The following LEKR1 variants were observed in gnomAD, a reference collection of about 807,000 sequenced individuals.
LEKR1 encodes the protein leucine, glutamate and lysine rich 1.
A neutral mutation model predicts 72.4 loss-of-function variants in LEKR1; 59 were observed. The observed-to-expected ratio is 0.82, with a 90% confidence interval of 0.66 to 1.01. The LOEUF (loss-of-function observed/expected upper bound fraction) is 1.01, where lower values mean the gene tolerates loss of function less well. Ranked by LOEUF, LEKR1 falls within the 50% of genes least tolerant of loss-of-function variation. The pLI is 0.00. For synonymous variants in LEKR1, 257 were observed against 263.2 expected, an observed-to-expected ratio of 0.98 and a Z score of 0.23; for missense variants, 728 against 759.2, an observed-to-expected ratio of 0.96 and a Z score of 0.48.
At chr3:156,925,867 T>C (rs2108574956) in intron 4 of LEKR1, among the ~76,000 whole-genome samples, 1 of 152,168 alleles carries the variant, frequency 6.6e-6, no homozygotes, top group Non-Finnish European at 1.5e-5. Context: ...ACCATTATAA[T>C]TGCCATTTAG....
intron 9 of LEKR1, among the ~76,000 whole-genome samples, chr3:157,008,467 A>C (rs1341092216): frequency 6.6e-6 from 1 of 152,246 alleles, no homozygotes; most frequent in Non-Finnish European, 1.5e-5. Flanking sequence ...GCTACAATAC[A>C]GTGAACTTCT....
At chr3:156,869,492 T>C (rs1335426412) in intron 3 of LEKR1, among the ~76,000 whole-genome samples, 1 of 152,126 alleles carries the variant, frequency 6.6e-6, no homozygotes, top group African/African-American at 2.4e-5. Flanking sequence ...TCTATTTGTA[T>C]GTCTTCCTTA....
chr3:156,991,304 A>C (rs554429542), intron 7 of LEKR1, among the ~76,000 whole-genome samples: 1 of 151,990 alleles, frequency 6.6e-6, no homozygotes, highest in Non-Finnish European at 1.5e-5. Flanking sequence ...TCTTCTTATA[A>C]TAATTCATTA....
chr3:157,017,948 C>CAAAAAAAAAAAAAAAAAAAAAAA (rs58950224), intron 10 of LEKR1, among the ~76,000 whole-genome samples: 18 of 82,972 alleles, frequency 2.2e-4, no homozygotes, highest in African/African-American at 1.2e-3. Flanking sequence ...GACTCTGTCT[C>CAAAAAAAAAAAAAAAAAAAAAAA]AAAAAAAAAA....
chr3:156,925,511 G>C (rs1228134822), intron 4 of LEKR1, among the ~76,000 whole-genome samples: 1 of 151,860 alleles, frequency 6.6e-6, no homozygotes, highest in African/African-American at 2.4e-5. Context: ...TAGGCTCCTT[G>C]GTGTTATTCA....
intron 4 of LEKR1, among the ~76,000 whole-genome samples, chr3:156,921,709 C>G (rs1459191294): frequency 6.6e-6 from 1 of 152,054 alleles, no homozygotes; most frequent in East Asian, 1.9e-4. Flanking sequence ...TAGCTTTGGC[C>G]CATATCTGCC....
At chr3:156,846,667 T>G (rs1310941123) in intron 2 of LEKR1, among the ~76,000 whole-genome samples, 1 of 152,174 alleles carries the variant, frequency 6.6e-6, no homozygotes, top group Non-Finnish European at 1.5e-5. Flanking sequence ...AAGGGCATCT[T>G]ACTGAATGGA....
At chr3:156,850,351 G>T (rs1030311440) in intron 2 of LEKR1, among the ~76,000 whole-genome samples, 3 of 152,066 alleles carry the variant, frequency 2.0e-5, no homozygotes, top group Admixed American at 1.3e-4. Flanking sequence ...GAAAGTATTG[G>T]TCGCAAGGAA....
chr3:157,031,528 C>T (rs908218225), intron 12 of LEKR1, among the ~76,000 whole-genome samples: 1 of 151,980 alleles, frequency 6.6e-6, no homozygotes, highest in African/African-American at 2.4e-5. Context: ...GCTAAGCATG[C>T]CAGAGTCCAA....
intron 4 of LEKR1, among the ~76,000 whole-genome samples, chr3:156,921,453 G>C (rs1032030040): frequency 6.6e-6 from 1 of 152,058 alleles, no homozygotes; most frequent in African/African-American, 2.4e-5. Context: ...TTCATTTTCT[G>C]ATAATAACCT....
chr3:156,991,914 G>C (rs1731168639), intron 7 of LEKR1, among the ~76,000 whole-genome samples: 1 of 152,114 alleles, frequency 6.6e-6, no homozygotes, highest in African/African-American at 2.4e-5. Flanking sequence ...ATGTTATAGA[G>C]AGTCTGGATT....
At chr3:156,847,067 C>T (rs1243546847) in intron 2 of LEKR1, among the ~76,000 whole-genome samples, 1 of 152,122 alleles carries the variant, frequency 6.6e-6, no homozygotes, top group African/African-American at 2.4e-5. Flanking sequence ...CTCGGCCTCC[C>T]AAAGCGCTGG....
At chr3:156,828,247 GAT>G (rs1300315788) in intron 1 of LEKR1, among the ~76,000 whole-genome samples, 2 of 152,214 alleles carry the variant, frequency 1.3e-5, no homozygotes, top group Non-Finnish European at 2.9e-5. Flanking sequence ...CATTTACAAA[GAT>G]AATGCCACTA....
chr3:156,986,939 G>A (rs1057146676), intron 7 of LEKR1, among the ~76,000 whole-genome samples: 1 of 152,156 alleles, frequency 6.6e-6, no homozygotes, highest in African/African-American at 2.4e-5. Context: ...AAATATCAAG[G>A]AGTTAGTTTA....
At chr3:156,943,600 A>G (rs1471436947) in intron 6 of LEKR1, among the ~76,000 whole-genome samples, 1 of 151,854 alleles carries the variant, frequency 6.6e-6, no homozygotes, top group East Asian at 1.9e-4. Flanking sequence ...CACTGTGTCT[A>G]TTTAGGCTTC....
intron 6 of LEKR1, among the ~76,000 whole-genome samples, chr3:156,970,351 A>C (rs1729047544): frequency 6.6e-6 from 1 of 152,166 alleles, no homozygotes; most frequent in Non-Finnish European, 1.5e-5. Flanking sequence ...CCATTTGTCA[A>C]TTTTGTCTTT....
chr3:157,004,889 A>C (rs1451282130), intron 9 of LEKR1, among the ~76,000 whole-genome samples: 2 of 152,172 alleles, frequency 1.3e-5, no homozygotes, highest in East Asian at 3.9e-4. Flanking sequence ...AGGCAATTAG[A>C]AAAACAGACG....
intron 5 of LEKR1, among the ~76,000 whole-genome samples, chr3:156,933,974 C>T (rs1168898677): frequency 2.0e-5 from 3 of 152,156 alleles, no homozygotes; most frequent in Non-Finnish European, 4.4e-5. Flanking sequence ...CAGATTTATG[C>T]AGGTGAAATT....
chr3:156,881,668 A>G (rs1719366931), intron 3 of LEKR1, among the ~76,000 whole-genome samples: 5 of 148,584 alleles, frequency 3.4e-5, no homozygotes, highest in Middle Eastern at 3.2e-3. Context: ...TTCATATGGA[A>G]CCAAAAAAGA....
Sources: gnomAD v4.1 joint callset for allele counts (sites outside exome capture counted in the v4.1 genomes callset) on GRCh38, gnomAD v4.1.1 for gene constraint, MANE v1.5 for transcripts, NCBI Gene and HGNC (gene_info 2026-07-23, HGNC 2026-07-21) for gene names.